Variants in PAH observed in about 807,000 individuals in gnomAD.
PAH encodes the protein phenylalanine hydroxylase, also known as phenylalanine-4-hydroxylase.
In PAH, 64 loss-of-function variants were observed where a neutral mutation model predicts 62.0. The observed-to-expected ratio is 1.03, with a 90% confidence interval of 0.84 to 1.27. The LOEUF (loss-of-function observed/expected upper bound fraction) is 1.27. Ranked by LOEUF, PAH falls within the 50% of genes most tolerant of loss-of-function variation. PAH has a pLI of 0.00. For missense variants in PAH, 579 were observed against 542.8 expected, an observed-to-expected ratio of 1.07 and a Z score of -0.66; for synonymous variants, 195 against 196.2, an observed-to-expected ratio of 0.99 and a Z score of 0.05.
intron 1 of PAH, 34 bp from the exon 2 acceptor site, chr12:102,912,932 T>A (rs1230018896): frequency 6.9e-7 from 1 of 1,444,464 alleles, no homozygotes; most frequent in South Asian, 1.1e-5. Flanking sequence ...TAAAACATTT[T>A]CCACAGTTTA....
chr12:102,847,034 G>T, intron 8 of PAH, 83 bp from the exon 9 acceptor site: 1 of 1,129,140 alleles, frequency 8.9e-7, no homozygotes, highest in Non-Finnish European at 1.4e-6. Flanking sequence ...ATAAAAAGGT[G>T]ATGGGTGGCC....
intron 1 of PAH, among the ~76,000 whole-genome samples, chr12:102,940,946 G>C (rs958236037): frequency 6.6e-6 from 1 of 152,106 alleles, no homozygotes; most frequent in African/African-American, 2.4e-5. Context: ...ATTTGCAAAG[G>C]AAACCCTATC....
chr12:102,935,822 T>A (rs1377542805), intron 1 of PAH, among the ~76,000 whole-genome samples: 36 of 152,016 alleles, frequency 2.4e-4, no homozygotes, highest in Non-Finnish European at 7.4e-5. Context: ...TGATTTTGTT[T>A]ACCTTTTCAA....
chr12:102,898,521 A>G (rs113194451), intron 2 of PAH, among the ~76,000 whole-genome samples: 1,708 of 152,316 alleles, frequency 0.011, 48 homozygotes, highest in African/African-American at 0.039. Context: ...AATTCACTGA[A>G]CTTGTAGTTG....
Position 102,866,679 on chromosome 12 carries a change from C to T in PAH, c.442-16G>A, listed in dbSNP as rs1351922506. 6.2e-7 allele frequency: 1 copy of T among 1,610,142 alleles called. No homozygotes were observed. ...CTTTAAAACCCTAGGAGAAAAGAGA[C>T]ACCTGATTTTTCAAGGCTTCATAGG... On this transcript the variant is annotated splice_polypyrimidine_tract_variant and intron_variant, in intron 4 of 12. Transcript: ENST00000553106.
rs1237353339 is a variant in PAH, at chr12:102,843,813, T to G, written c.1066-34A>C. On this transcript the variant is annotated intron_variant, in intron 10 of 12. Transcript: ENST00000553106. ...CCCAAGTGAAAAGTTATTATCACTG[T>G]TAAATCAGGATCAGTATTCCCTGCT... The G allele has an allele frequency of 4.4e-6, 7 of 1,607,578 alleles. No homozygotes were observed. In the Admixed American group the frequency reaches 1.2e-4, roughly 27 times the overall value.
chr12:102,867,801 TTTTCTCTCTCTCTC>T (rs998558771), intron 4 of PAH, among the ~76,000 whole-genome samples: 5 of 148,340 alleles, frequency 3.4e-5, no homozygotes, highest in Non-Finnish European at 6.0e-5. Flanking sequence ...TTTGGGAGAG[TTTTCTCTCTCTCTC>T]TTTCTCTCTC....
chr12:102,872,692 G>A (rs1424728124), intron 4 of PAH, among the ~76,000 whole-genome samples: 2 of 152,224 alleles, frequency 1.3e-5, no homozygotes, highest in Non-Finnish European at 2.9e-5. Flanking sequence ...TTCAGGCCTG[G>A]TGTGGTGGCT....
chr12:102,841,126 C>T (rs116971429), intron 11 of PAH, among the ~76,000 whole-genome samples: 12 of 152,220 alleles, frequency 7.9e-5, no homozygotes, highest in Non-Finnish European at 1.8e-4. Flanking sequence ...GGGAAGGCTG[C>T]GTGACTACTA....
Position 102,917,170 on chromosome 12 carries a change from C to T in PAH, c.-40G>A. 1 of 1,598,754 alleles carries T rather than the reference C, an allele frequency of 6.3e-7. No homozygotes were observed. The highest frequency in any genetic ancestry group is 8.6e-7 in the Non-Finnish European group (1 of 1,166,100). The stretch of plus-strand genomic sequence containing the variant: ...AGTGAGGTCTCTGGCTTTTTAGGGC[C>T]TCAGGTACAGGCAGGTTTGCAAACA... On this transcript the variant is annotated 5_prime_UTR_variant, in exon 1 of 13. Coordinates refer to ENST00000553106, the MANE Select transcript of PAH (RefSeq NM_000277.3).
intron 4 of PAH, among the ~76,000 whole-genome samples, chr12:102,871,649 G>T (rs995701829): frequency 6.6e-6 from 1 of 152,144 alleles, no homozygotes; most frequent in African/African-American, 2.4e-5. Context: ...CAGGCCAGGT[G>T]CAGTGGCTCA....
At chr12:102,891,871 A>G (rs1173219505) in intron 3 of PAH, among the ~76,000 whole-genome samples, 1 of 151,802 alleles carries the variant, frequency 6.6e-6, no homozygotes, top group Non-Finnish European at 1.5e-5. Context: ...TTCCTTCCTC[A>G]TGGCCCCAGC....
intron 7 of PAH, chr12:102,851,962 G>A: frequency 1.8e-6 from 1 of 565,034 alleles, no homozygotes; most frequent in South Asian, 2.0e-5. Flanking sequence ...GGAAAAATAA[G>A]AGACAGGTGC....
At chr12:102,878,566 T>A (rs574667803) in intron 3 of PAH, among the ~76,000 whole-genome samples, 7 of 151,606 alleles carry the variant, frequency 4.6e-5, no homozygotes, top group African/African-American at 1.2e-4. Flanking sequence ...GGACCGTAAG[T>A]TTCATGAGGG....
chr12:102,927,157 T>A (rs1310293436), intron 1 of PAH, among the ~76,000 whole-genome samples: 6 of 152,004 alleles, frequency 3.9e-5, no homozygotes, highest in Non-Finnish European at 7.4e-5. Flanking sequence ...TCCAAAGTTA[T>A]CAGGGTATGC....
chr12:102,914,558 C>T (rs1334184041), intron 1 of PAH: 1 of 152,212 alleles, frequency 6.6e-6, no homozygotes, highest in East Asian at 1.9e-4. Flanking sequence ...TTCCTCTTCC[C>T]CCTTTTAAAC....
At chr12:102,868,663 T>TA (rs35520828) in intron 4 of PAH, among the ~76,000 whole-genome samples, 18 of 149,774 alleles carry the variant, frequency 1.2e-4, no homozygotes, top group South Asian at 1.1e-3. Flanking sequence ...ATGATGTGGT[T>TA]AAAAAAAAAA....
chr12:102,948,188 C>T (rs759520973), intron 1 of PAH, among the ~76,000 whole-genome samples: 19 of 152,058 alleles, frequency 1.2e-4, no homozygotes, highest in Non-Finnish European at 2.8e-4. Flanking sequence ...GGAAGGTACG[C>T]ATTTTATAAG....
chr12:102,938,302 C>T (rs996354503), intron 1 of PAH, among the ~76,000 whole-genome samples: 1 of 152,186 alleles, frequency 6.6e-6, no homozygotes, highest in Non-Finnish European at 1.5e-5. Flanking sequence ...CTGTGACCCT[C>T]CCCACAACGC....
Sources: allele counts gnomAD v4.1 joint callset (sites outside exome capture counted in the v4.1 genomes callset), GRCh38; gene constraint gnomAD v4.1.1; transcripts MANE v1.5; gene names NCBI Gene and HGNC (gene_info 2026-07-23, HGNC 2026-07-21).